Variants in CNTNAP2 observed in about 807,000 individuals in gnomAD.
CNTNAP2 encodes the protein contactin-associated protein-like 2.
CNTNAP2 carries 98 observed loss-of-function variants against 155.2 expected under a neutral mutation model. The observed-to-expected ratio is 0.63, with a 90% confidence interval of 0.54 to 0.75. The LOEUF (loss-of-function observed/expected upper bound fraction) is 0.75, where lower values mean the gene tolerates loss of function less well. Ranked by LOEUF, CNTNAP2 falls within the 30% of genes least tolerant of loss-of-function variation. The pLI is 0.00. For synonymous variants in CNTNAP2, 651 were observed against 631.2 expected, an observed-to-expected ratio of 1.03 and a Z score of -0.47; for missense variants, 1,727 against 1,688.1, an observed-to-expected ratio of 1.02 and a Z score of -0.40.
chr7:146,507,602 A>G (rs1186506385), intron 1 of CNTNAP2, among the ~76,000 whole-genome samples: 1 of 152,202 alleles, frequency 6.6e-6, no homozygotes, highest in Non-Finnish European at 1.5e-5. Flanking sequence ...CCTGAATTTT[A>G]TTAATGATGG....
At chr7:147,935,346 T>G (rs1800585736) in intron 14 of CNTNAP2, among the ~76,000 whole-genome samples, 1 of 152,146 alleles carries the variant, frequency 6.6e-6, no homozygotes, top group African/African-American at 2.4e-5. Context: ...AGAATGGTCT[T>G]GATCTCTTGA....
At chr7:146,193,928 G>C (rs1232467962) in intron 1 of CNTNAP2, among the ~76,000 whole-genome samples, 1 of 152,144 alleles carries the variant, frequency 6.6e-6, no homozygotes, top group Non-Finnish European at 1.5e-5. Flanking sequence ...CAAATCTCTA[G>C]GGCAGGGGCA....
chr7:147,919,377 G>A (rs563455010), intron 14 of CNTNAP2, among the ~76,000 whole-genome samples: 51 of 151,676 alleles, frequency 3.4e-4, no homozygotes, highest in African/African-American at 1.2e-3. Context: ...AACCTCCCTG[G>A]GCTCAGATGA....
At chr7:148,139,955 G>C (rs1391458164) in intron 16 of CNTNAP2, among the ~76,000 whole-genome samples, 6 of 152,120 alleles carry the variant, frequency 3.9e-5, no homozygotes, top group African/African-American at 1.4e-4. Context: ...GACACCAATT[G>C]CAAGTTCAGA....
At position 148,027,356 on chromosome 7, in the gene CNTNAP2, G is replaced by A. The variant is rs560682252; in HGVS notation, c.2383+49367G>A. On this transcript the variant is annotated intron_variant, in intron 15 of 23. Transcript: ENST00000361727. ...CACTTTTAGGCTTCTCCTGCTGTCT[G>A]AATTTTTTCTTAATTTTCTTTCTCT... 9.0e-4 allele frequency among the ~76,000 whole-genome samples: 137 copies of A among 152,284 alleles called. 1 individual carries two copies. The highest frequency in any genetic ancestry group is 8.7e-4 in the Non-Finnish European group (59 of 68,020).
Position 147,973,468 on chromosome 7 carries a change from C to T in CNTNAP2, c.2256-4394C>T, listed in dbSNP as rs75657048. On this transcript the variant is annotated intron_variant, in intron 14 of 23. Transcript: ENST00000361727. ...CTGAGTGTTATTACTACTAGCTATA[C>T]GGCAACCTTTTATAAACTTCAATAT... Among the ~76,000 whole-genome samples the T allele has an allele frequency of 8.4e-3, 1,285 of 152,230 alleles. 9 individuals carry two copies. Among genetic ancestry groups the T allele is most frequent in the Non-Finnish European group, 0.013 (872 of 68,018 alleles).
intron 22 of CNTNAP2, among the ~76,000 whole-genome samples, chr7:148,404,427 G>C (rs1335825916): frequency 1.3e-5 from 2 of 152,222 alleles, no homozygotes; most frequent in Non-Finnish European, 2.9e-5. Flanking sequence ...CAGAGAAAAG[G>C]TGTGTCAACT....
At chr7:148,208,872 G>C (rs995690253) in intron 18 of CNTNAP2, among the ~76,000 whole-genome samples, 8 of 151,954 alleles carry the variant, frequency 5.3e-5, no homozygotes, top group African/African-American at 1.9e-4. Flanking sequence ...GGGTCCCCGG[G>C]GTGCCCTAAT....
intron 3 of CNTNAP2, among the ~76,000 whole-genome samples, chr7:146,984,793 C>T (rs1313694417): frequency 6.6e-6 from 1 of 152,140 alleles, no homozygotes; most frequent in African/African-American, 2.4e-5. Flanking sequence ...TCCCATTGTC[C>T]CTGTTTGCTG....
In CNTNAP2 at chr7:146,352,945, A is replaced by G. The variant is rs375775261; in HGVS notation, c.97+235972A>G. On this transcript the variant is annotated intron_variant, in intron 1 of 23. Coordinates refer to ENST00000361727, the MANE Select transcript of CNTNAP2 (RefSeq NM_014141.6). ...AATTTTTTGTATTTTTAGTAGAGAC[A>G]GGATTTCACCCTGTTAGCCAGGATG... Among the ~76,000 whole-genome samples, 535 of 151,310 alleles carry G rather than the reference A, an allele frequency of 3.5e-3. 3 individuals are homozygous for G. Among genetic ancestry groups the G allele is most frequent in the African/African-American group, 0.011 (462 of 41,204 alleles).
chr7:147,988,742 CA>C (rs746515926), intron 15 of CNTNAP2, among the ~76,000 whole-genome samples: 1 of 152,154 alleles, frequency 6.6e-6, no homozygotes, highest in Non-Finnish European at 1.5e-5. Flanking sequence ...GATTTCTCTG[CA>C]AATTGAATCC....
chr7:146,686,880 A>C (rs1213718439), intron 1 of CNTNAP2, among the ~76,000 whole-genome samples: 1 of 152,188 alleles, frequency 6.6e-6, no homozygotes, highest in Admixed American at 6.6e-5. Context: ...ATAGGGATGC[A>C]TGCTGGAAAT....
chr7:148,180,339 G>A (rs1295681409), intron 18 of CNTNAP2, among the ~76,000 whole-genome samples: 3 of 152,070 alleles, frequency 2.0e-5, no homozygotes. Flanking sequence ...AATTATTCAA[G>A]TAGAGAAAAT....
chr7:146,768,619 A>G (rs996816061), intron 1 of CNTNAP2, among the ~76,000 whole-genome samples: 2 of 151,962 alleles, frequency 1.3e-5, no homozygotes, highest in African/African-American at 4.8e-5. Context: ...ATGTACACGT[A>G]AGACCACAGA....
intron 1 of CNTNAP2, among the ~76,000 whole-genome samples, chr7:146,684,651 A>G (rs1800563826): frequency 6.6e-6 from 1 of 151,052 alleles, no homozygotes; most frequent in African/African-American, 2.4e-5. Flanking sequence ...AAAAAAAAAA[A>G]AAAAAAAAGC....
chr7:147,766,804 G>A (rs1480914867), intron 13 of CNTNAP2, among the ~76,000 whole-genome samples: 1 of 151,980 alleles, frequency 6.6e-6, no homozygotes. Flanking sequence ...ACTATATCTT[G>A]TTCTTTCTCC....
At chr7:146,723,402 G>A (rs761370365) in intron 1 of CNTNAP2, among the ~76,000 whole-genome samples, 7 of 152,108 alleles carry the variant, frequency 4.6e-5, no homozygotes, top group South Asian at 2.1e-4. Context: ...TAACTCACCC[G>A]ATTTGTGGTA....
chr7:146,450,047 G>A (rs140141375), intron 1 of CNTNAP2, among the ~76,000 whole-genome samples: 62 of 152,034 alleles, frequency 4.1e-4, no homozygotes, highest in African/African-American at 1.4e-3. Flanking sequence ...TATTAAATAC[G>A]GACATTATGC....
chr7:148,178,724 A>G (rs1320335579), intron 18 of CNTNAP2, among the ~76,000 whole-genome samples: 1 of 152,230 alleles, frequency 6.6e-6, no homozygotes, highest in Non-Finnish European at 1.5e-5. Flanking sequence ...TCTTAAGGAT[A>G]CCTTGAAAAT....
Sources: gnomAD v4.1 joint callset for allele counts (sites outside exome capture counted in the v4.1 genomes callset) on GRCh38, gnomAD v4.1.1 for gene constraint, MANE v1.5 for transcripts, NCBI Gene and HGNC (gene_info 2026-07-23, HGNC 2026-07-21) for gene names.